Variants in GALNTL6 observed in about 807,000 individuals in gnomAD.
The protein encoded by GALNTL6 is polypeptide N-acetylgalactosaminyltransferase-like 6.
A neutral mutation model predicts 73.7 loss-of-function variants in GALNTL6; 46 were observed. The observed-to-expected ratio is 0.62, with a 90% confidence interval of 0.49 to 0.80. GALNTL6 has a LOEUF of 0.80. Among genes scored for constraint, GALNTL6 ranks in the 30% least tolerant of loss-of-function variants. The pLI, the probability that GALNTL6 is intolerant of heterozygous loss-of-function variation, is 0.00. For synonymous variants in GALNTL6, 259 were observed against 263.7 expected (o/e 0.98, Z 0.17); for missense variants, 604 against 755.0 (o/e 0.80, Z 2.34).
chr4:172,150,683 A>G (rs1338443239), intron 2 of GALNTL6, among the ~76,000 whole-genome samples: 1 of 152,216 alleles, frequency 6.6e-6, no homozygotes, highest in East Asian at 1.9e-4. Flanking sequence ...ACAGGTCACA[A>G]TGGAACAGGA....
chr4:172,814,495 T>C (rs1338904435), intron 7 of GALNTL6, among the ~76,000 whole-genome samples: 1 of 152,220 alleles, frequency 6.6e-6, no homozygotes, highest in Non-Finnish European at 1.5e-5. Flanking sequence ...AGGTATACTA[T>C]ATATCTATTC....
At chr4:171,870,320 C>T (rs907910199) in intron 2 of GALNTL6, among the ~76,000 whole-genome samples, 2 of 152,142 alleles carry the variant, frequency 1.3e-5, no homozygotes, top group African/African-American at 4.8e-5. Context: ...TTCCTTCTTT[C>T]TGTTTGCTGG....
intron 5 of GALNTL6, among the ~76,000 whole-genome samples, chr4:172,421,033 T>G (rs1047361846): frequency 1.3e-5 from 2 of 151,942 alleles, no homozygotes; most frequent in African/African-American, 2.4e-5. Context: ...GAGAGAGCAT[T>G]AGGACAAATA....
intron 10 of GALNTL6, among the ~76,000 whole-genome samples, chr4:172,967,539 G>A (rs1750387965): frequency 6.6e-6 from 1 of 151,936 alleles, no homozygotes; most frequent in Non-Finnish European, 1.5e-5. Flanking sequence ...AAATACAGAA[G>A]TCTTCCATTA....
intron 2 of GALNTL6, among the ~76,000 whole-genome samples, chr4:171,849,593 G>T (rs1205585800): frequency 6.6e-6 from 1 of 151,998 alleles, no homozygotes; most frequent in East Asian, 1.9e-4. Flanking sequence ...GATAAAATAT[G>T]ATTTTACCTA....
rs188770159 is a variant in GALNTL6 at position 172,784,303 on chromosome 4, G to C, written c.554-25058G>C. 1.4e-4 allele frequency among the ~76,000 whole-genome samples: 21 copies of C among 151,986 alleles called. No individual in the cohort carries two copies. The East Asian group carries it at 4.1e-3, about 29-fold the overall frequency. ...ACATTCCTATATTTAATATAAGAAAGCACAACATTATTTTGAATTGCTCTT... is the reference window on the plus strand; with the variant it reads ...ACATTCCTATATTTAATATAAGAAACCACAACATTATTTTGAATTGCTCTT... On this transcript the variant is annotated intron_variant, in intron 5 of 12. Coordinates refer to ENST00000506823, the MANE Select transcript of GALNTL6 (RefSeq NM_001034845.3).
intron 5 of GALNTL6, among the ~76,000 whole-genome samples, chr4:172,727,322 A>G (rs1440442443): frequency 1.3e-5 from 2 of 152,192 alleles, no homozygotes; most frequent in East Asian, 3.8e-4. Context: ...CTCCCATTCT[A>G]GTCTCATTTT....
chr4:172,376,206 G>GA (rs2111269312), intron 5 of GALNTL6, among the ~76,000 whole-genome samples: 1 of 152,290 alleles, frequency 6.6e-6, no homozygotes, highest in East Asian at 1.9e-4. Context: ...GGAGAAAATA[G>GA]AAAATCACCA....
chr4:172,427,769 G>A (rs1012410538), intron 5 of GALNTL6, among the ~76,000 whole-genome samples: 4 of 152,104 alleles, frequency 2.6e-5, no homozygotes, highest in South Asian at 2.1e-4. Flanking sequence ...CTGTGACACC[G>A]CTATGCATTT....
At chr4:172,568,414 G>A (rs1005583947) in intron 5 of GALNTL6, among the ~76,000 whole-genome samples, 2 of 152,078 alleles carry the variant, frequency 1.3e-5, no homozygotes, top group African/African-American at 4.8e-5. Context: ...GTCAGTGAAC[G>A]AAGCCATTAT....
chr4:172,949,095 A>G (rs991133848), intron 9 of GALNTL6, among the ~76,000 whole-genome samples: 3 of 152,184 alleles, frequency 2.0e-5, no homozygotes, highest in Non-Finnish European at 2.9e-5. Context: ...CTTGTTTTCA[A>G]TTGTTCCCAT....
At chr4:172,269,539 C>G (rs986063077) in intron 3 of GALNTL6, among the ~76,000 whole-genome samples, 1 of 152,106 alleles carries the variant, frequency 6.6e-6, no homozygotes, top group Admixed American at 6.5e-5. Flanking sequence ...GAAAGAGACA[C>G]AGGAGAGAAG....
chr4:172,884,537 G>A (rs1347899797), intron 8 of GALNTL6, among the ~76,000 whole-genome samples: 2 of 152,068 alleles, frequency 1.3e-5, no homozygotes, highest in East Asian at 1.9e-4. Context: ...TTGTCAGATA[G>A]ATAGTTTGCA....
At chr4:172,731,439 C>T (rs2111389964) in intron 5 of GALNTL6, among the ~76,000 whole-genome samples, 2 of 152,080 alleles carry the variant, frequency 1.3e-5, no homozygotes, top group South Asian at 4.2e-4. Flanking sequence ...TGCGTCTTCT[C>T]TCTTTTATTC....
intron 2 of GALNTL6, among the ~76,000 whole-genome samples, chr4:172,005,841 C>T (rs1579051592): frequency 2.0e-5 from 3 of 152,020 alleles, no homozygotes; most frequent in African/African-American, 7.2e-5. Context: ...TTTGAATTCC[C>T]CTTTTGTAGG....
chr4:171,910,169 C>G (rs75399958), intron 2 of GALNTL6, among the ~76,000 whole-genome samples: 3,328 of 152,070 alleles, frequency 0.022, 94 homozygotes, highest in African/African-American at 0.071. Flanking sequence ...CAAAACAGAG[C>G]AAAACACTTT....
At position 172,949,024 on chromosome 4, in the gene GALNTL6, G is replaced by A. The variant is rs12645732; in HGVS notation, c.1150-3013G>A. On this transcript the variant is annotated intron_variant, in intron 9 of 12. Coordinates refer to ENST00000506823, the MANE Select transcript of GALNTL6 (RefSeq NM_001034845.3). ...ATTAGTTAGTTCCTCTATGAGTTTT[G>A]CAATAATTGCCATATCTATTTCAAA... is the stretch of plus-strand genomic sequence containing the variant. Among the ~76,000 whole-genome samples, 207 of 152,170 alleles carry A rather than the reference G, an allele frequency of 1.4e-3. 2 individuals carry two copies. In the East Asian group the frequency reaches 0.035, roughly 26 times the overall value.
intron 12 of GALNTL6, among the ~76,000 whole-genome samples, chr4:173,021,931 T>C (rs919658397): frequency 4.0e-5 from 6 of 150,818 alleles, no homozygotes; most frequent in South Asian, 2.1e-4. Flanking sequence ...GAGGGGGAGA[T>C]TGCAGTGAGC....
chr4:172,627,206 G>A (rs1228694596), intron 5 of GALNTL6, among the ~76,000 whole-genome samples: 1 of 152,094 alleles, frequency 6.6e-6, no homozygotes, highest in East Asian at 1.9e-4. Flanking sequence ...ATCATGAAGG[G>A]ATGTTGAATT....
Sources: gnomAD v4.1 joint callset for allele counts (sites outside exome capture counted in the v4.1 genomes callset) on GRCh38, gnomAD v4.1.1 for gene constraint, MANE v1.5 for transcripts, NCBI Gene and HGNC (gene_info 2026-07-23, HGNC 2026-07-21) for gene names.